Variants in GALNT18 observed in about 807,000 individuals in gnomAD.
GALNT18 encodes the protein GalNAc-transferase 18.
A neutral mutation model predicts 69.5 loss-of-function variants in GALNT18; 44 were observed. That is an observed-to-expected ratio of 0.63 (90% CI 0.50 to 0.81). The LOEUF (loss-of-function observed/expected upper bound fraction) is 0.81. Among genes scored for constraint, GALNT18 ranks in the 40% least tolerant of loss-of-function variants. The pLI, the probability that GALNT18 is intolerant of heterozygous loss-of-function variation, is 0.00. For missense variants in GALNT18, 715 were observed against 810.0 expected (o/e 0.88, Z 1.42); for synonymous variants, 364 against 318.2 (o/e 1.14, Z -1.53).
rs758277763 is a variant in GALNT18 at position 11,439,061 on chromosome 11, G to A, written c.429-6274C>T. 6.6e-6 allele frequency among the ~76,000 whole-genome samples: 1 copy of A among 152,216 alleles called. No homozygotes were observed. The highest frequency in any genetic ancestry group is 1.5e-5 in the Non-Finnish European group (1 of 68,044). ...TGAGGCAGCCTAGCACAGAAGCTCT[G>A]CGTAGCTGGATCTAGTAATTTTAAA... On this transcript the variant is annotated intron_variant, in intron 2 of 10. Coordinates refer to ENST00000227756, the MANE Select transcript of GALNT18 (RefSeq NM_198516.3). The surrounding 1 kb of genome is among the most constrained non-coding windows in gnomAD (Gnocchi z 4.4).
At position 11,419,619 on chromosome 11, in the gene GALNT18, A is replaced by AAAAAG. The variant is rs1554932034; in HGVS notation, c.595+13001_595+13002insCTTTT. 6.5e-4 allele frequency among the ~76,000 whole-genome samples: 84 copies of AAAAAG among 128,440 alleles called. 2 individuals are homozygous for AAAAAG. Among genetic ancestry groups the AAAAAG allele is most frequent in the Non-Finnish European group, 8.7e-4 (52 of 60,028 alleles). The allele number at this position is 128,440 out of a possible 152,430, so 84.3% of individuals were successfully genotyped here. The stretch of plus-strand genomic sequence containing the variant: ...CTCAAAAAAAAAAAAAAAAAAAAAA[A>AAAAAG]AAAGAAAGAAGGAAAAGAAACCATG... On this transcript the variant is annotated intron_variant, in intron 3 of 10. Coordinates refer to ENST00000227756, the MANE Select transcript of GALNT18 (RefSeq NM_198516.3).
chr11:11,274,720 G>GC (rs1214176647), intron 10 of GALNT18, among the ~76,000 whole-genome samples: 2 of 152,098 alleles, frequency 1.3e-5, no homozygotes, highest in African/African-American at 2.4e-5. Context: ...TCCCTGACAA[G>GC]CCCCAGTGTG....
intron 3 of GALNT18, among the ~76,000 whole-genome samples, chr11:11,414,951 G>A (rs148292898): frequency 5.9e-5 from 9 of 152,298 alleles, no homozygotes; most frequent in Non-Finnish European, 1.2e-4. Flanking sequence ...TCTCAACTGG[G>A]GCTTAGGGTC....
rs76762653 is a variant in GALNT18, at chr11:11,382,232, A to G, written c.596-2968T>C. On this transcript the variant is annotated intron_variant, in intron 3 of 10. Transcript: ENST00000227756. This position sits in a 1 kb window ranked among gnomAD's most constrained non-coding sequence, Gnocchi z 4.3. ...GCCCCAACCAAACAACTGCTATCCA[A>G]AAAAGAAAATAAAGAAGAAACAAAA... 0.029 allele frequency among the ~76,000 whole-genome samples: 4,440 copies of G among 152,312 alleles called. 161 individuals carry two copies. The highest frequency in any genetic ancestry group is 0.18 in the East Asian group (922 of 5,178).
intron 10 of GALNT18, among the ~76,000 whole-genome samples, chr11:11,279,677 C>T (rs780869685): frequency 1.1e-4 from 17 of 152,126 alleles, no homozygotes; most frequent in Non-Finnish European, 2.5e-4. Context: ...TTATATAAAC[C>T]TCCCAAACAG....
chr11:11,281,145 C>G (rs1320644184), intron 10 of GALNT18, among the ~76,000 whole-genome samples: 3 of 152,206 alleles, frequency 2.0e-5, no homozygotes, highest in East Asian at 3.9e-4. Context: ...GGGACCAAAA[C>G]CAGCCCCGCT....
chr11:11,286,022 G>C (rs796252039), intron 10 of GALNT18, among the ~76,000 whole-genome samples: 1 of 152,150 alleles, frequency 6.6e-6, no homozygotes, highest in African/African-American at 2.4e-5. Flanking sequence ...GTGGCTATCC[G>C]CAACGTTCCC....
intron 3 of GALNT18, among the ~76,000 whole-genome samples, chr11:11,419,154 C>G (rs1854934134): frequency 1.3e-5 from 2 of 152,252 alleles, no homozygotes; most frequent in Admixed American, 1.3e-4. Context: ...AGTCTCTACT[C>G]TAGCAGCACA....
Position 11,432,537 on chromosome 11 carries a change from C to G in GALNT18, c.595+84G>C. 4 of 1,387,518 alleles carry G rather than the reference C, an allele frequency of 2.9e-6. No individual in the cohort carries two copies. The South Asian group carries it at 5.3e-5, about 19-fold the overall frequency. The allele number at this position is 1,387,518 out of a possible 1,614,324, so 86.0% of individuals were successfully genotyped here. ...AAGAGCAGCCACAGACAGCCTTGAG[C>G]AAATGTGAACCACGACGCTGAACCA... is the stretch of plus-strand genomic sequence containing the variant. On this transcript the variant is annotated intron_variant, in intron 3 of 10. Coordinates refer to ENST00000227756, the MANE Select transcript of GALNT18 (RefSeq NM_198516.3). The surrounding 1 kb of genome is among the most constrained non-coding windows in gnomAD (Gnocchi z 5.8).
chr11:11,576,825 C>T (rs7106005), intron 1 of GALNT18, among the ~76,000 whole-genome samples: 105,142 of 152,156 alleles, frequency 0.69, 38,358 homozygotes, highest in East Asian at 0.87. Flanking sequence ...TTTTTGCCCT[C>T]GCACAGAACA....
intron 1 of GALNT18, among the ~76,000 whole-genome samples, chr11:11,466,976 T>C (rs1023209044): frequency 6.6e-6 from 1 of 152,196 alleles, no homozygotes; most frequent in African/African-American, 2.4e-5. Context: ...TCTTACCTAC[T>C]GGGAGTCAGA....
chr11:11,498,844 C>T (rs867455389), intron 1 of GALNT18, among the ~76,000 whole-genome samples: 12 of 152,100 alleles, frequency 7.9e-5, no homozygotes, highest in South Asian at 2.1e-4. Flanking sequence ...AAGAGAGATT[C>T]TATGATGGTA....
At chr11:11,367,821 T>A (rs545874012) in intron 6 of GALNT18, among the ~76,000 whole-genome samples, 1 of 152,232 alleles carries the variant, frequency 6.6e-6, no homozygotes, top group African/African-American at 2.4e-5. Context: ...ACATTTTCCA[T>A]AGAAATCTTT....
chr11:11,331,611 A>G (rs1185283933), intron 8 of GALNT18, among the ~76,000 whole-genome samples: 2 of 152,224 alleles, frequency 1.3e-5, no homozygotes, highest in Non-Finnish European at 2.9e-5. Context: ...TGAGATATCA[A>G]AAAAGGTCTG....
chr11:11,339,833 T>C lies in GALNT18; in HGVS notation c.1278+986A>G, dbSNP rs958283891. Among the ~76,000 whole-genome samples, 1 of 152,170 alleles carries C rather than the reference T, an allele frequency of 6.6e-6. No homozygotes were observed. Among genetic ancestry groups the C allele is most frequent in the African/African-American group, 2.4e-5 (1 of 41,424 alleles). On this transcript the variant is annotated intron_variant, in intron 7 of 10. Transcript: ENST00000227756. This position sits in a 1 kb window ranked among gnomAD's most constrained non-coding sequence, Gnocchi z 5.2. ...GCTCCCACCCATGAACCAGTCAACT[T>C]CCTCAATCATTTAACCAGAGCAACA...
At chr11:11,278,396 G>C (rs1051065396) in intron 10 of GALNT18, among the ~76,000 whole-genome samples, 2 of 151,602 alleles carry the variant, frequency 1.3e-5, no homozygotes, top group Non-Finnish European at 2.9e-5. Context: ...GATAGCGTTA[G>C]GAGAAATACC....
At chr11:11,473,991 G>A (rs930638766) in intron 1 of GALNT18, among the ~76,000 whole-genome samples, 5 of 152,178 alleles carry the variant, frequency 3.3e-5, no homozygotes, top group Non-Finnish European at 5.9e-5. Context: ...CTTGAACCTG[G>A]GAGGTAGAGG....
At chr11:11,326,317 T>G (rs757322370) in intron 9 of GALNT18, among the ~76,000 whole-genome samples, 1 of 152,184 alleles carries the variant, frequency 6.6e-6, no homozygotes, top group Non-Finnish European at 1.5e-5. Flanking sequence ...CTGCTGAGAT[T>G]ACAGGTGTGA....
chr11:11,277,540 C>T (rs113420355), intron 10 of GALNT18, among the ~76,000 whole-genome samples: 3 of 152,130 alleles, frequency 2.0e-5, no homozygotes, highest in African/African-American at 7.2e-5. Context: ...TTCCTTCTGC[C>T]AGCTTTTGAA....
Sources: gnomAD v4.1 joint callset for allele counts (sites outside exome capture counted in the v4.1 genomes callset) on GRCh38, gnomAD v4.1.1 for gene constraint, Gnocchi (gnomAD v3.1) non-coding constraint, MANE v1.5 for transcripts, NCBI Gene and HGNC (gene_info 2026-07-23, HGNC 2026-07-21) for gene names.